ABCA5: variants seen among roughly 807,000 people sequenced by gnomAD.
The protein encoded by ABCA5 is cholesterol transporter ABCA5.
In ABCA5, 163 loss-of-function variants were observed where a neutral mutation model predicts 206.0. The ratio of observed to expected loss-of-function variants is 0.79; its 90% CI spans 0.70 to 0.90. The LOEUF is 0.90. Ranked by LOEUF, ABCA5 falls within the 40% of genes least tolerant of loss-of-function variation. The pLI, the probability that ABCA5 is intolerant of heterozygous loss-of-function variation, is 0.00. For missense variants in ABCA5, 1,859 were observed against 1,912.9 expected (o/e 0.97, Z 0.53); for synonymous variants, 609 against 613.8 (o/e 0.99, Z 0.11).
chr17:69,307,084 C>T (rs934680957), intron 5 of ABCA5, 130 bp from the exon 6 acceptor site: 6 of 450,490 alleles, frequency 1.3e-5, no homozygotes, highest in African/African-American at 4.1e-5. Flanking sequence ...AAGCTCCATA[C>T]CTGAAATAAA....
chr17:69,296,295 A>G (rs568032369), intron 10 of ABCA5, among the ~76,000 whole-genome samples: 1 of 152,246 alleles, frequency 6.6e-6, no homozygotes, highest in East Asian at 1.9e-4. Context: ...AAGTATTTTG[A>G]CTTTCTCTGG....
At chr17:69,312,993 C>A in intron 3 of ABCA5, 99 bp downstream of exon 3, 1 of 645,734 alleles carries the variant, frequency 1.5e-6, no homozygotes, top group Non-Finnish European at 2.3e-6. Flanking sequence ...AGGAACACAT[C>A]TCTAAGTGTT....
intron 9 of ABCA5, 112 bp from the exon 10 acceptor site, chr17:69,297,471 C>T (rs1313748246): frequency 1.2e-6 from 1 of 862,190 alleles, no homozygotes; most frequent in Non-Finnish European, 1.8e-6. Flanking sequence ...CATTCCGCAA[C>T]ATATATATAT....
intron 34 of ABCA5, among the ~76,000 whole-genome samples, chr17:69,253,055 A>G (rs951899797): frequency 5.9e-5 from 9 of 152,144 alleles, no homozygotes; most frequent in Non-Finnish European, 1.3e-4. Context: ...TGCTCTACAG[A>G]TTTATAGCCT....
intron 34 of ABCA5, among the ~76,000 whole-genome samples, chr17:69,252,147 G>T (rs554273888): frequency 1.3e-5 from 2 of 151,782 alleles, no homozygotes; most frequent in East Asian, 3.9e-4. Context: ...GAGTAGCTGG[G>T]ACTACAGGTG....
Position 69,264,826 on chromosome 17 carries a change from G to A in ABCA5, c.3224C>T (p.Pro1075Leu). 3 of 1,598,566 alleles carry A rather than the reference G, an allele frequency of 1.9e-6. No homozygotes were observed. Among genetic ancestry groups the A allele is most frequent in the Non-Finnish European group, 2.6e-6 (3 of 1,172,618 alleles). ...YWIGQAVVDIPLFFIILILML... is the reference protein window; with the variant it reads ...YWIGQAVVDILLFFIILILML... The stretch of plus-strand genomic sequence containing the variant: ...CAAAATAAGAATGATAAAAAATAAG[G>A]GGATATCAACAACAGCTTGTCCAAT... Residue 1075 changes from proline to leucine, a missense_variant, in exon 24 of 39, where the codon CCC becomes CTC. Transcript: ENST00000392676.
intron 1 of ABCA5, among the ~76,000 whole-genome samples, chr17:69,319,140 A>C (rs2075842764): frequency 6.6e-6 from 1 of 152,242 alleles, no homozygotes; most frequent in Non-Finnish European, 1.5e-5. Context: ...CATTTAGCAA[A>C]GAGTTGATAA....
chr17:69,320,322 C>T (rs560292283), intron 1 of ABCA5, among the ~76,000 whole-genome samples: 10 of 152,046 alleles, frequency 6.6e-5, no homozygotes, highest in Non-Finnish European at 1.2e-4. Context: ...TAAATTGAAG[C>T]GTGAGTCAAA....
intron 18 of ABCA5, among the ~76,000 whole-genome samples, chr17:69,283,222 G>A (rs1247395857): frequency 2.0e-5 from 3 of 152,046 alleles, no homozygotes; most frequent in East Asian, 3.9e-4. Context: ...GGGCTCAAGC[G>A]ATCTCCCTGC....
chr17:69,271,098 T>C (rs965103440), intron 21 of ABCA5, 64 bp downstream of exon 21: 3 of 1,532,886 alleles, frequency 2.0e-6, no homozygotes, highest in African/African-American at 1.4e-5. Flanking sequence ...TAATTAATTT[T>C]AGAAGAAACG....
chr17:69,260,427 T>G lies in ABCA5; in HGVS notation c.3565-15A>C. ...TTCCAAGAAATCTAAGACAAAAAGA[T>G]TTGAAAATATATACGCTGCAATATG... On this transcript the variant is annotated splice_polypyrimidine_tract_variant and intron_variant, in intron 26 of 38. Transcript: ENST00000392676. 1 of 1,526,892 alleles carries G rather than the reference T, an allele frequency of 6.5e-7. No homozygotes were observed. The highest frequency in any genetic ancestry group is 9.0e-7 in the Non-Finnish European group (1 of 1,105,512). 94.6% of individuals were successfully genotyped at this position (1,526,892 alleles called of 1,614,324 possible).
chr17:69,288,719 GAAGAAAGA>G (rs147123123), intron 14 of ABCA5, among the ~76,000 whole-genome samples: 23,308 of 145,094 alleles, frequency 0.16, 2,009 homozygotes, highest in African/African-American at 0.22. Context: ...AAAAAAAAAA[GAAGAAAGA>G]AAGAAAGAAA....
intron 1 of ABCA5, among the ~76,000 whole-genome samples, chr17:69,320,412 A>G (rs1383302288): frequency 6.6e-6 from 1 of 152,140 alleles, no homozygotes; most frequent in African/African-American, 2.4e-5. Context: ...AATTATACCA[A>G]TGACTCAGTA....
At chr17:69,297,398 A>C (rs747887810) in intron 9 of ABCA5, 39 bp from the exon 10 acceptor site, 1 of 1,542,838 alleles carries the variant, frequency 6.5e-7, no homozygotes, top group East Asian at 2.3e-5. Flanking sequence ...TACCATAATT[A>C]GTTTTTAAAT....
chr17:69,255,119 A>C (rs541621157), intron 31 of ABCA5, among the ~76,000 whole-genome samples: 1 of 152,294 alleles, frequency 6.6e-6, no homozygotes, highest in East Asian at 1.9e-4. Flanking sequence ...TGTGGCTGGC[A>C]TAAAGTAAGC....
chr17:69,319,653 A>T (rs1027135901), intron 1 of ABCA5, among the ~76,000 whole-genome samples: 22 of 152,214 alleles, frequency 1.4e-4, no homozygotes, highest in Non-Finnish European at 1.5e-4. Flanking sequence ...TTAAGAAAGA[A>T]AGTTTACACA....
chr17:69,280,121 C>T (rs1407333610), intron 18 of ABCA5, among the ~76,000 whole-genome samples: 58 of 151,970 alleles, frequency 3.8e-4, no homozygotes, highest in East Asian at 3.7e-3. Flanking sequence ...AGAAAATGTT[C>T]GCAACCTACT....
Position 69,272,166 on chromosome 17 carries a change from C to T in ABCA5, c.2765-877G>A, listed in dbSNP as rs577167217. Among the ~76,000 whole-genome samples, 23 of 152,218 alleles carry T rather than the reference C, an allele frequency of 1.5e-4. 2 individuals carry two copies. In the South Asian group the frequency reaches 3.5e-3, roughly 23 times the overall value. ...GAGAATGGTGACACTACTTTACTCCCAACCTAGTACCTTAACTGATCTCTT... is the reference window on the plus strand; with the variant it reads ...GAGAATGGTGACACTACTTTACTCCTAACCTAGTACCTTAACTGATCTCTT... On this transcript the variant is annotated intron_variant, in intron 20 of 38. Coordinates refer to ENST00000392676, the MANE Select transcript of ABCA5 (RefSeq NM_172232.4).
chr17:69,264,004 A>G (rs477847), intron 24 of ABCA5, among the ~76,000 whole-genome samples: 7,582 of 152,024 alleles, frequency 0.05, 646 homozygotes, highest in African/African-American at 0.17. Flanking sequence ...CTTATGTAGG[A>G]TTCCTTTAGC....
Sources: allele counts gnomAD v4.1 joint callset (sites outside exome capture counted in the v4.1 genomes callset), GRCh38; gene constraint gnomAD v4.1.1; transcripts MANE v1.5; gene names NCBI Gene and HGNC (gene_info 2026-07-23, HGNC 2026-07-21).